Variants in MARCHF6 observed in about 807,000 individuals in gnomAD.
The protein encoded by MARCHF6 is membrane associated ring-CH-type finger 6.
In MARCHF6, 31 loss-of-function variants were observed where a neutral mutation model predicts 133.7. That is an observed-to-expected ratio of 0.23 (90% confidence interval 0.17 to 0.31). The LOEUF is 0.31. Among genes scored for constraint, MARCHF6 ranks in the 10% least tolerant of loss-of-function variants. The pLI, the probability that MARCHF6 is intolerant of heterozygous loss-of-function variation, is 1.00. For missense variants in MARCHF6, 723 were observed against 1,121.6 expected, an observed-to-expected ratio of 0.64 and a Z score of 5.08; for synonymous variants, 395 against 402.5, an observed-to-expected ratio of 0.98 and a Z score of 0.22.
intron 4 of MARCHF6, among the ~76,000 whole-genome samples, chr5:10,385,396 T>G (rs185355930): frequency 1.3e-5 from 2 of 152,012 alleles, no homozygotes; most frequent in East Asian, 3.9e-4. Flanking sequence ...AAACAGCAAA[T>G]AAAATTTGGA....
chr5:10,376,558 T>C (rs1472693782), intron 1 of MARCHF6, among the ~76,000 whole-genome samples: 2 of 152,102 alleles, frequency 1.3e-5, no homozygotes, highest in Non-Finnish European at 2.9e-5. Flanking sequence ...CCAGGGAGAT[T>C]AGCGTGCTAA....
Position 10,377,799 on chromosome 5 carries a change from C to T in MARCHF6, c.21C>T (p.Asp7=), listed in dbSNP as rs1303087986. The T allele has an allele frequency of 1.2e-6, 2 of 1,604,644 alleles. No homozygotes were observed. Among genetic ancestry groups the T allele is most frequent in the African/African-American group, 2.7e-5 (2 of 74,664 alleles). The change falls in exon 2 of 26, where the codon GAC becomes GAT. Residue 7 remains aspartate (D), a splice_region_variant and synonymous_variant. Transcript: ENST00000274140. ...TCAATTTTCCTTTTTCATTGGCAGA[C>T]ATATGTAGAGTGTGTCGGTCAGAAG... is the stretch of plus-strand genomic sequence containing the variant. The part of the protein sequence containing the change: MDTAEE[D]ICRVCRSEGT...
At chr5:10,422,871 A>T (rs932077302) in intron 22 of MARCHF6, among the ~76,000 whole-genome samples, 1 of 152,170 alleles carries the variant, frequency 6.6e-6, no homozygotes, top group Non-Finnish European at 1.5e-5. Flanking sequence ...GATGGTATGT[A>T]CCAAAAGCTA....
At chr5:10,414,691 A>G (rs544850531) in intron 20 of MARCHF6, among the ~76,000 whole-genome samples, 189 bp downstream of exon 20, 1 of 152,350 alleles carries the variant, frequency 6.6e-6, no homozygotes, top group East Asian at 1.9e-4. Context: ...TAGGAATTCA[A>G]AAAGTATAGT....
chr5:10,396,767 A>G (rs1406026792), intron 9 of MARCHF6, among the ~76,000 whole-genome samples: 2 of 152,170 alleles, frequency 1.3e-5, no homozygotes, highest in Admixed American at 1.3e-4. Context: ...GAGACAGGAC[A>G]AAGAAAGTCA....
rs1740566289 is a variant in MARCHF6, at chr5:10,435,595, A to C, written c.*1911A>C. ...TTCTAAATTGCTCTCTTTGGGAGAA[A>C]AACATTATTATTGAATTGAGCATAT... On this transcript the variant is annotated 3_prime_UTR_variant, in exon 26 of 26. Coordinates refer to ENST00000274140, the MANE Select transcript of MARCHF6 (RefSeq NM_005885.4). 1 of 117,424 alleles carries C rather than the reference A, an allele frequency of 8.5e-6. No individual in the cohort carries two copies. Among genetic ancestry groups the C allele is most frequent in the African/African-American group, 3.2e-5 (1 of 31,218 alleles). The allele number at this position is 117,424 out of a possible 1,614,324, so 7.3% of individuals were successfully genotyped here. A position where few individuals can be genotyped will look rare whatever the true frequency, so the allele number is the denominator to read the frequency against.
chr5:10,403,834 A>G (rs1002116351), intron 15 of MARCHF6, among the ~76,000 whole-genome samples: 3 of 152,162 alleles, frequency 2.0e-5, no homozygotes, highest in Non-Finnish European at 2.9e-5. Flanking sequence ...TACTTTAGCC[A>G]TCCTCTAATA....
chr5:10,404,207 G>T (rs1289358872), intron 15 of MARCHF6, among the ~76,000 whole-genome samples: 2 of 151,772 alleles, frequency 1.3e-5, no homozygotes, highest in Non-Finnish European at 2.9e-5. Flanking sequence ...AGCTGGGACT[G>T]CAGGCACCCA....
intron 20 of MARCHF6, 147 bp from the exon 21 acceptor site, chr5:10,415,341 T>C (rs1739447159): frequency 1.4e-6 from 1 of 732,868 alleles, no homozygotes; most frequent in Non-Finnish European, 2.2e-6. Context: ...GACATTGTGA[T>C]TTTTGTCTTT....
rs1739949045 is a variant in MARCHF6, at chr5:10,423,903, T to C, written c.2373+79T>C. 4.9e-6 allele frequency: 5 copies of C among 1,024,862 alleles called. No individual in the cohort carries two copies. The South Asian group carries it at 6.2e-5, about 13-fold the overall frequency. 63.5% of individuals were successfully genotyped at this position (1,024,862 alleles called of 1,614,324 possible). A position where few individuals can be genotyped will look rare whatever the true frequency, so the allele number is the denominator to read the frequency against. ...TTTGGCAGCTATAACTCTTATTTCT[T>C]ATCTTCCTACCTTGCTGAGTTTTCT... On this transcript the variant is annotated intron_variant, in intron 23 of 25. Transcript: ENST00000274140.
At chr5:10,396,649 G>T (rs910282134) in intron 9 of MARCHF6, among the ~76,000 whole-genome samples, 1 of 152,192 alleles carries the variant, frequency 6.6e-6, no homozygotes, top group Non-Finnish European at 1.5e-5. Flanking sequence ...GTCAGTGTCA[G>T]CATGGGGCAT....
chr5:10,406,237 A>G (rs1202760318), intron 16 of MARCHF6, among the ~76,000 whole-genome samples: 3 of 152,226 alleles, frequency 2.0e-5, no homozygotes, highest in Non-Finnish European at 4.4e-5. Flanking sequence ...GACCACTGGT[A>G]TGATTGATTG....
intron 3 of MARCHF6, among the ~76,000 whole-genome samples, chr5:10,381,505 G>A (rs1579551242): frequency 6.6e-6 from 1 of 152,310 alleles, no homozygotes; most frequent in Non-Finnish European, 1.5e-5. Context: ...TAAAATGTGT[G>A]TAAATGGGCC....
chr5:10,372,542 G>C (rs1263618139), intron 1 of MARCHF6, among the ~76,000 whole-genome samples: 1 of 151,262 alleles, frequency 6.6e-6, no homozygotes, highest in East Asian at 1.9e-4. Flanking sequence ...TTCCCCACTT[G>C]AGACCTAACC....
At chr5:10,411,221 C>T in intron 18 of MARCHF6, 112 bp from the exon 19 acceptor site, 1 of 829,178 alleles carries the variant, frequency 1.2e-6, no homozygotes, top group Admixed American at 2.3e-5. Context: ...TGCACAAATT[C>T]TGTATTATAC....
At chr5:10,356,642 C>T (rs567315585) in intron 1 of MARCHF6, among the ~76,000 whole-genome samples, 71 of 152,072 alleles carry the variant, frequency 4.7e-4, no homozygotes, top group African/African-American at 1.6e-3. Context: ...GTGATCTGTC[C>T]GCCTCAACCT....
chr5:10,385,717 T>C (rs540992423), intron 4 of MARCHF6, among the ~76,000 whole-genome samples: 11 of 152,310 alleles, frequency 7.2e-5, no homozygotes, highest in African/African-American at 2.6e-4. Context: ...ATAAAAGGCA[T>C]AATCCACTAA....
chr5:10,425,719 C>T (rs1740047943), intron 23 of MARCHF6, among the ~76,000 whole-genome samples: 1 of 152,216 alleles, frequency 6.6e-6, no homozygotes, highest in East Asian at 1.9e-4. Context: ...AAAATAACAG[C>T]CTTCTAAGCC....
At chr5:10,375,278 G>T (rs1736704219) in intron 1 of MARCHF6, among the ~76,000 whole-genome samples, 1 of 152,254 alleles carries the variant, frequency 6.6e-6, no homozygotes, top group South Asian at 2.1e-4. Flanking sequence ...GCCGGCCCAG[G>T]CAGTGAGAGA....
Sources: allele counts gnomAD v4.1 joint callset (sites outside exome capture counted in the v4.1 genomes callset), GRCh38; gene constraint gnomAD v4.1.1; transcripts MANE v1.5; gene names NCBI Gene and HGNC (gene_info 2026-07-23, HGNC 2026-07-21).